Variants in ALMS1 observed in about 807,000 individuals in gnomAD.
ALMS1 encodes the protein ALMS1 centrosome and basal body associated protein, also known as centrosome-associated protein ALMS1.
Under a neutral mutation model 352.2 loss-of-function variants are expected in ALMS1, and 271 were observed. The observed-to-expected ratio is 0.77, with a 90% CI of 0.70 to 0.85. The LOEUF (loss-of-function observed/expected upper bound fraction) is 0.85. Among genes scored for constraint, ALMS1 ranks in the 40% least tolerant of loss-of-function variants. The probability of loss-of-function intolerance (pLI) is 0.00; values close to 1 mark genes in which losing one functional copy is unlikely to be tolerated. For synonymous variants in ALMS1, 1,865 were observed against 1,761.2 expected, an observed-to-expected ratio of 1.06 and a Z score of -1.48; for missense variants, 5,445 against 4,870.7, an observed-to-expected ratio of 1.12 and a Z score of -3.51.
intron 6 of ALMS1, among the ~76,000 whole-genome samples, chr2:73,429,680 C>A (rs907659005): frequency 2.0e-5 from 3 of 152,128 alleles, no homozygotes; most frequent in African/African-American, 7.2e-5. Context: ...TTCATATCCC[C>A]CCACCTTTGG....
intron 16 of ALMS1, among the ~76,000 whole-genome samples, chr2:73,574,166 A>G (rs1016409901): frequency 1.3e-5 from 2 of 152,224 alleles, no homozygotes; most frequent in Non-Finnish European, 2.9e-5. Context: ...AATTTCTCTC[A>G]TCTGTCTTCT....
intron 21 of ALMS1, among the ~76,000 whole-genome samples, chr2:73,606,632 T>C (rs1425553488): frequency 1.3e-5 from 2 of 152,242 alleles, no homozygotes; most frequent in Non-Finnish European, 2.9e-5. Flanking sequence ...ATTTCTTGTG[T>C]GGCCTCTTTT....
rs1018185421 is a variant in ALMS1, at chr2:73,386,334, G to C, written c.324+142G>C. ...AGGCTAGTAGGCGGCCCAGACTCCA[G>C]CCCAGGTGCCGGCCGGCTGCTCCGC... On this transcript the variant is annotated intron_variant, in intron 1 of 22. Coordinates refer to ENST00000613296, the MANE Select transcript of ALMS1 (RefSeq NM_001378454.1). The C allele has an allele frequency of 1.9e-5, 23 of 1,203,492 alleles. No individual in the cohort carries two copies. The African/African-American group carries it at 3.6e-4, about 19-fold the overall frequency. The allele number at this position is 1,203,492 out of a possible 1,614,324, so 74.6% of individuals were successfully genotyped here.
intron 15 of ALMS1, among the ~76,000 whole-genome samples, chr2:73,560,368 T>C (rs1674631553): frequency 6.6e-6 from 1 of 152,164 alleles, no homozygotes; most frequent in African/African-American, 2.4e-5. Flanking sequence ...CCTGTTAGGA[T>C]GACCACTATC....
intron 16 of ALMS1, among the ~76,000 whole-genome samples, chr2:73,598,196 A>G (rs143735389): frequency 1.3e-5 from 2 of 152,276 alleles, no homozygotes; most frequent in African/African-American, 4.8e-5. Flanking sequence ...ATGCTATTAA[A>G]TGTTTTGGCA....
intron 10 of ALMS1, among the ~76,000 whole-genome samples, chr2:73,515,931 C>T (rs188299341): frequency 5.1e-4 from 78 of 152,124 alleles, no homozygotes; most frequent in Admixed American, 1.0e-3. Flanking sequence ...CATGAACAGA[C>T]CAATAATGAG....
In ALMS1 at chr2:73,452,251, G is replaced by A. The variant is rs779739318; in HGVS notation, c.5724G>A (p.Gln1908=). The change falls in exon 8 of 23, where the codon CAG becomes CAA. Residue 1908 remains glutamine, a synonymous_variant. Transcript: ENST00000613296. Reference sequence around the variant, plus strand: ...AGAAGGCCAGTATTTTTCATCAGCAGGAGTTGCCAGATGTTACTGAAGAAG... The same window carrying A: ...AGAAGGCCAGTATTTTTCATCAGCAAGAGTTGCCAGATGTTACTGAAGAAG... ...NREKASIFHQ[Q]ELPDVTEEAL... is the part of the protein sequence containing the mutation. 6.2e-7 allele frequency: 1 copy of A among 1,613,918 alleles called. No homozygotes were observed. The highest frequency in any genetic ancestry group is 8.5e-7 in the Non-Finnish European group (1 of 1,180,012).
intron 9 of ALMS1, among the ~76,000 whole-genome samples, chr2:73,477,542 A>C (rs1672607775): frequency 2.0e-5 from 3 of 151,884 alleles, no homozygotes; most frequent in African/African-American, 7.2e-5. Flanking sequence ...GAATCTCTAG[A>C]TTACTATGGG....
At chr2:73,456,356 G>A (rs1322213191) in intron 9 of ALMS1, among the ~76,000 whole-genome samples, 1 of 152,142 alleles carries the variant, frequency 6.6e-6, no homozygotes, top group Non-Finnish European at 1.5e-5. Context: ...CAGTATTCCA[G>A]TGTGTGATTA....
intron 15 of ALMS1, among the ~76,000 whole-genome samples, chr2:73,567,170 G>T (rs944599678): frequency 2.8e-4 from 42 of 152,274 alleles, no homozygotes; most frequent in African/African-American, 9.1e-4. Flanking sequence ...TCAGGGGTTG[G>T]GGCTGGAAGT....
At chr2:73,411,488 C>T (rs1024400595) in intron 2 of ALMS1, among the ~76,000 whole-genome samples, 2 of 152,152 alleles carry the variant, frequency 1.3e-5, no homozygotes, top group African/African-American at 2.4e-5. Context: ...AAATAATATT[C>T]TCTGAGGGCA....
At chr2:73,508,514 T>C (rs1277099715) in intron 10 of ALMS1, among the ~76,000 whole-genome samples, 1 of 152,244 alleles carries the variant, frequency 6.6e-6, no homozygotes, top group East Asian at 1.9e-4. Context: ...TGAGTGAGTT[T>C]CTTAATCCTG....
In ALMS1 at chr2:73,577,264, T is replaced by A. The variant is rs894022044; in HGVS notation, c.11547+3840T>A. ...TTTAAATGTTGGTAGAATTCACCAG[T>A]AAAGCCATCTGGCCCTGTGTTTTTC... On this transcript the variant is annotated intron_variant, in intron 16 of 22. Coordinates refer to ENST00000613296, the MANE Select transcript of ALMS1 (RefSeq NM_001378454.1). Among the ~76,000 whole-genome samples, 7 of 152,320 alleles carry A rather than the reference T, an allele frequency of 4.6e-5. No individual in the cohort carries two copies. In the East Asian group the frequency reaches 1.3e-3, roughly 29 times the overall value.
chr2:73,389,994 G>C (rs544377744), intron 1 of ALMS1, among the ~76,000 whole-genome samples: 7 of 152,190 alleles, frequency 4.6e-5, no homozygotes, highest in African/African-American at 1.7e-4. Context: ...GCCTCTAATC[G>C]TGAACTATCT....
Position 73,490,589 on chromosome 2 carries a change from C to G in ALMS1, c.8630C>G (p.Pro2877Arg). The G allele has an allele frequency of 6.2e-7, 1 of 1,614,176 alleles. No individual in the cohort carries two copies. Among genetic ancestry groups the G allele is most frequent in the South Asian group, 1.1e-5 (1 of 91,072 alleles). Residue 2877 changes from proline to arginine, a missense_variant, in exon 10 of 23, where the codon CCT becomes CGT. Pro to Arg is a moderately radical substitution (Grantham distance 103, BLOSUM62 -2). Transcript: ENST00000613296. ...AATGTAACTATAACTCCAGATCTTC[C>G]TTCTTGCATTTTTCTTGAACAACGA... ...EKNVTITPDL[P>R]SCIFLEQREL...
intron 2 of ALMS1, among the ~76,000 whole-genome samples, chr2:73,414,484 T>TG (rs1378458077): frequency 2.2e-5 from 2 of 90,462 alleles, no homozygotes; most frequent in African/African-American, 6.0e-5. Context: ...TTTTTTTTTT[T>TG]TTTTGTTTTT....
intron 17 of ALMS1, among the ~76,000 whole-genome samples, chr2:73,600,419 T>C (rs1486671283): frequency 5.3e-5 from 8 of 152,214 alleles, no homozygotes; most frequent in Admixed American, 3.3e-4. Context: ...TCCTTTACCC[T>C]TTGAACCCAT....
intron 10 of ALMS1, among the ~76,000 whole-genome samples, chr2:73,503,251 C>T (rs1673253261): frequency 6.6e-6 from 1 of 151,906 alleles, no homozygotes; most frequent in Non-Finnish European, 1.5e-5. Context: ...CTCCCCCCTT[C>T]CCCGACCCCA....
At chr2:73,483,327 T>C (rs1435113215) in intron 9 of ALMS1, among the ~76,000 whole-genome samples, 17 of 151,652 alleles carry the variant, frequency 1.1e-4, no homozygotes, top group African/African-American at 2.4e-4. Context: ...CATTTCGTTA[T>C]GTACCCAGTA....
Sources: gnomAD v4.1 joint callset for allele counts (sites outside exome capture counted in the v4.1 genomes callset) on GRCh38, gnomAD v4.1.1 for gene constraint, MANE v1.5 for transcripts, NCBI Gene and HGNC (gene_info 2026-07-23, HGNC 2026-07-21) for gene names.